TIMM17A: variants seen among roughly 807,000 people sequenced by gnomAD.
TIMM17A encodes mitochondrial import inner membrane translocase subunit Tim17-A.
A neutral mutation model predicts 26.5 loss-of-function variants in TIMM17A; 15 were observed. The ratio of observed to expected loss-of-function variants is 0.57; its 90% CI spans 0.38 to 0.87. The LOEUF (loss-of-function observed/expected upper bound fraction) is 0.87, where lower values mean the gene tolerates loss of function less well. TIMM17A is among the 40% of genes least tolerant of loss of function. The probability of loss-of-function intolerance (pLI) is 0.00; values close to 1 mark genes in which losing one functional copy is unlikely to be tolerated. For missense variants in TIMM17A, 201 were observed against 210.0 expected (o/e 0.96, Z 0.27); for synonymous variants, 80 against 70.8 (o/e 1.13, Z -0.66).
intron 3 of TIMM17A, among the ~76,000 whole-genome samples, chr1:201,959,569 G>T (rs1168573341): frequency 2.6e-5 from 4 of 151,538 alleles, no homozygotes; most frequent in African/African-American, 7.3e-5. Context: ...CAGGAGAATC[G>T]CTTGAACCCA....
intron 4 of TIMM17A, among the ~76,000 whole-genome samples, chr1:201,964,646 T>TTTTTTTTTTTTTTTTTTTTTTTTTTTG (rs1682593454): frequency 8.2e-6 from 1 of 121,852 alleles, no homozygotes; most frequent in African/African-American, 3.3e-5. Flanking sequence ...TTTTTTTTTT[T>TTTTTTTTTTTTTTTTTTTTTTTTTTTG]TTTTTTTTTT....
intron 5 of TIMM17A, 147 bp downstream of exon 5, chr1:201,965,690 C>A: frequency 1.5e-6 from 1 of 653,512 alleles, no homozygotes; most frequent in Non-Finnish European, 2.6e-6. Context: ...AAAAAATGAA[C>A]ATGTTATATT....
At chr1:201,956,740 G>T (rs1394716400) in intron 1 of TIMM17A, among the ~76,000 whole-genome samples, 1 of 151,956 alleles carries the variant, frequency 6.6e-6, no homozygotes, top group Non-Finnish European at 1.5e-5. Context: ...GGCGGATCAC[G>T]AGGTCAGGAG....
rs1455807456 is a variant in TIMM17A, at chr1:201,965,337, G to A, written c.320-96G>A. Reference sequence around the variant, plus strand: ...ATAAGAAAGAGTTTGGGAGTTGGGGGAGCATGTCACCATATGGACAGTTCT... The same window carrying A: ...ATAAGAAAGAGTTTGGGAGTTGGGGAAGCATGTCACCATATGGACAGTTCT... On this transcript the variant is annotated intron_variant, in intron 4 of 5. Coordinates refer to ENST00000367287, the MANE Select transcript of TIMM17A (RefSeq NM_006335.3). 5 of 837,590 alleles carry A rather than the reference G, an allele frequency of 6.0e-6. No homozygotes were observed. In the African/African-American group the frequency reaches 8.4e-5, roughly 14 times the overall value. The allele number at this position is 837,590 out of a possible 1,614,324, so 51.9% of individuals were successfully genotyped here. A position where few individuals can be genotyped will look rare whatever the true frequency, so the allele number is the denominator to read the frequency against.
intron 5 of TIMM17A, 102 bp downstream of exon 5, chr1:201,965,645 A>G: frequency 4.9e-6 from 4 of 812,534 alleles, no homozygotes; most frequent in Non-Finnish European, 8.3e-6. Flanking sequence ...GTATGTATTA[A>G]TATGCTGTGG....
chr1:201,958,486 T>G (rs1682468955), intron 3 of TIMM17A, among the ~76,000 whole-genome samples: 1 of 152,272 alleles, frequency 6.6e-6, no homozygotes, highest in African/African-American at 2.4e-5. Flanking sequence ...GCAGATAGCT[T>G]GAGCTCAGGA....
chr1:201,961,725 A>G (rs930702158), intron 3 of TIMM17A, among the ~76,000 whole-genome samples: 1 of 152,066 alleles, frequency 6.6e-6, no homozygotes, highest in Non-Finnish European at 1.5e-5. Flanking sequence ...ATGGTATACA[A>G]TCTATATTTC....
At chr1:201,964,788 A>G (rs1682597980) in intron 4 of TIMM17A, among the ~76,000 whole-genome samples, 2 of 149,452 alleles carry the variant, frequency 1.3e-5, no homozygotes, top group East Asian at 3.9e-4. Flanking sequence ...AGCTGGGACT[A>G]CAGGTGTGTG....
At chr1:201,957,904 G>A (rs1024227779) in intron 3 of TIMM17A, 24 of 208,812 alleles carry the variant, frequency 1.1e-4, no homozygotes, top group African/African-American at 4.5e-4. Flanking sequence ...TTGGGAGGCC[G>A]AGGTGGGCAG....
intron 3 of TIMM17A, among the ~76,000 whole-genome samples, chr1:201,960,399 CAA>C (rs113195075): frequency 1.4e-5 from 2 of 138,598 alleles, no homozygotes; most frequent in Non-Finnish European, 3.1e-5. Flanking sequence ...GACTCTGTCT[CAA>C]AAAAAAAAAA....
At chr1:201,966,991 T>TTGTGTGTGTGTG (rs759557626) in intron 5 of TIMM17A, among the ~76,000 whole-genome samples, 3,477 of 133,028 alleles carry the variant, frequency 0.026, 71 homozygotes, top group African/African-American at 0.042. Context: ...ATTATATATG[T>TTGTGTGTGTGTG]TGTGTGTGTG....
chr1:201,955,755 C>T (rs1682398509), intron 1 of TIMM17A, among the ~76,000 whole-genome samples: 1 of 152,242 alleles, frequency 6.6e-6, no homozygotes, highest in Non-Finnish European at 1.5e-5. Context: ...GAGCCTCCCT[C>T]TCCCAACCCA....
At chr1:201,963,339 G>T (rs1403722659) in intron 3 of TIMM17A, 5 of 276,448 alleles carry the variant, frequency 1.8e-5, no homozygotes, top group African/African-American at 9.2e-5. Flanking sequence ...GCCTCCCAAA[G>T]TGCTGGGATT....
chr1:201,968,162 CATT>C (rs1028185198), intron 5 of TIMM17A, among the ~76,000 whole-genome samples: 7 of 140,236 alleles, frequency 5.0e-5, no homozygotes, highest in African/African-American at 1.9e-4. Flanking sequence ...ACACCTGGCT[CATT>C]TTTTTTTTGT....
At chr1:201,969,367 CA>C (rs933315083) in intron 5 of TIMM17A, 101 bp from the exon 6 acceptor site, 28 of 920,286 alleles carry the variant, frequency 3.0e-5, no homozygotes, top group Admixed American at 9.6e-5. Context: ...TAATTTAGCA[CA>C]TTTTTTTGTT....
chr1:201,965,677 G>T, intron 5 of TIMM17A, 134 bp downstream of exon 5: 1 of 654,972 alleles, frequency 1.5e-6, no homozygotes. Context: ...TGTGATAATA[G>T]GTAAAAAATG....
At chr1:201,960,953 T>C (rs936878455) in intron 3 of TIMM17A, among the ~76,000 whole-genome samples, 8 of 152,130 alleles carry the variant, frequency 5.3e-5, no homozygotes, top group African/African-American at 1.9e-4. Flanking sequence ...TTTCACCATA[T>C]TGGTCAGGCA....
At chr1:201,963,590 G>T (rs766766936) in intron 3 of TIMM17A, 26 bp from the exon 4 acceptor site, 4 of 1,589,652 alleles carry the variant, frequency 2.5e-6, no homozygotes, top group Non-Finnish European at 3.4e-6. Flanking sequence ...ATTAGTATTT[G>T]CTTGTTTCTT....
intron 3 of TIMM17A, among the ~76,000 whole-genome samples, chr1:201,961,925 T>C (rs1397924134): frequency 6.6e-6 from 1 of 151,858 alleles, no homozygotes; most frequent in Non-Finnish European, 1.5e-5. Context: ...CAGGCTGCCT[T>C]CCTTGAGAAT....
Sources: allele counts gnomAD v4.1 joint callset (sites outside exome capture counted in the v4.1 genomes callset), GRCh38; gene constraint gnomAD v4.1.1; transcripts MANE v1.5; gene names NCBI Gene and HGNC (gene_info 2026-07-23, HGNC 2026-07-21).